Variants in MYT1L observed in about 807,000 individuals in gnomAD.
MYT1L encodes myelin transcription factor 1-like protein.
MYT1L carries 12 observed loss-of-function variants against 126.7 expected under a neutral mutation model. The ratio of observed to expected loss-of-function variants is 0.09; its 90% CI spans 0.06 to 0.15. MYT1L has a LOEUF of 0.15. Ranked by LOEUF, MYT1L falls within the 10% of genes least tolerant of loss-of-function variation. The pLI, the probability that MYT1L is intolerant of heterozygous loss-of-function variation, is 1.00. For synonymous variants in MYT1L, 541 were observed against 604.2 expected (o/e 0.90, Z 1.53); for missense variants, 979 against 1,585.2 (o/e 0.62, Z 6.49).
intron 4 of MYT1L, among the ~76,000 whole-genome samples, chr2:2,053,255 G>T (rs752098139): frequency 6.6e-6 from 1 of 152,182 alleles, no homozygotes; most frequent in South Asian, 2.1e-4. Context: ...CAGAGAGTGT[G>T]GGGGAGGCCT....
At chr2:2,324,945 G>A (rs922271303) in intron 1 of MYT1L, 1 of 152,294 alleles carries the variant, frequency 6.6e-6, no homozygotes, top group Non-Finnish European at 1.5e-5. Flanking sequence ...CACGAGTGGA[G>A]ATGTGTGCAG....
At chr2:2,287,730 G>C (rs2095543211) in intron 1 of MYT1L, among the ~76,000 whole-genome samples, 1 of 152,108 alleles carries the variant, frequency 6.6e-6, no homozygotes, top group South Asian at 2.1e-4. Context: ...TTAATTAATA[G>C]TTATTTCATA....
intron 3 of MYT1L, among the ~76,000 whole-genome samples, chr2:2,083,708 C>T (rs571568689): frequency 6.6e-6 from 1 of 152,288 alleles, no homozygotes; most frequent in South Asian, 2.1e-4. Context: ...GCACTGGGGC[C>T]AGGGATGTGG....
intron 3 of MYT1L, among the ~76,000 whole-genome samples, chr2:2,137,152 A>G (rs2083177057): frequency 1.3e-5 from 2 of 152,212 alleles, no homozygotes; most frequent in Non-Finnish European, 2.9e-5. Context: ...GGACCTCTTC[A>G]AGGAGAACTA....
Position 1,862,604 on chromosome 2 carries a change from A to G in MYT1L, c.2712-10901T>C, listed in dbSNP as rs140180399. On this transcript the variant is annotated intron_variant, in intron 18 of 24. Transcript: ENST00000647738. ...AGAAGATTGAAGAAGATTCTAGGAAAGAAAATAAAATGTATCTAGACTTCT... is the reference window on the plus strand; with the variant it reads ...AGAAGATTGAAGAAGATTCTAGGAAGGAAAATAAAATGTATCTAGACTTCT... Among the ~76,000 whole-genome samples the G allele has an allele frequency of 4.7e-4, 72 of 152,372 alleles. No individual in the cohort carries two copies. The East Asian group carries it at 0.013, about 28-fold the overall frequency.
rs552443683 is a variant in MYT1L, at chr2:1,912,010, C to G, written c.1709+10G>C. 4 of 1,586,868 alleles carry G rather than the reference C, an allele frequency of 2.5e-6. No individual in the cohort carries two copies. The South Asian group carries it at 4.6e-5, about 18-fold the overall frequency. ...CTCCCTCCCACACCAGTGACCCACG[C>G]GTGGCTTACCTTCGGTGGGAGTTCC... is the stretch of plus-strand genomic sequence containing the variant. On this transcript the variant is annotated intron_variant, in intron 12 of 24. Transcript: ENST00000647738. The surrounding 1 kb of genome is among the most constrained non-coding windows in gnomAD (Gnocchi z 4.3).
chr2:2,076,952 C>A (rs533636428), intron 3 of MYT1L, among the ~76,000 whole-genome samples: 16 of 152,190 alleles, frequency 1.1e-4, no homozygotes, highest in Middle Eastern at 3.4e-3. Flanking sequence ...TCAAAGGAAT[C>A]ATGGCAATTT....
chr2:1,876,748 C>T (rs1214240528), intron 18 of MYT1L, among the ~76,000 whole-genome samples: 1 of 152,212 alleles, frequency 6.6e-6, no homozygotes, highest in East Asian at 1.9e-4. Flanking sequence ...AGCAACGTCT[C>T]ACTCAGGACA....
At chr2:1,972,955 G>A (rs1246621891) in intron 8 of MYT1L, among the ~76,000 whole-genome samples, 1 of 152,238 alleles carries the variant, frequency 6.6e-6, no homozygotes, top group African/African-American at 2.4e-5. Flanking sequence ...ACTTTCGGGT[G>A]TTTATTGAGT....
At chr2:2,058,718 A>G (rs2069958093) in intron 3 of MYT1L, among the ~76,000 whole-genome samples, 1 of 152,240 alleles carries the variant, frequency 6.6e-6, no homozygotes, top group South Asian at 2.1e-4. Context: ...TAAAAGTGGC[A>G]TATTAACATT....
chr2:1,797,202 G>A (rs1461215264), intron 23 of MYT1L, among the ~76,000 whole-genome samples: 1 of 152,134 alleles, frequency 6.6e-6, no homozygotes, highest in Non-Finnish European at 1.5e-5. Context: ...CTGGTGCTGG[G>A]CCACCCCCAG....
chr2:2,098,915 A>G (rs6755567), intron 3 of MYT1L, among the ~76,000 whole-genome samples: 40,770 of 151,994 alleles, frequency 0.27, 6,011 homozygotes, highest in African/African-American at 0.38. Context: ...TGGACAACCC[A>G]CCAACAACTT....
At chr2:2,273,915 G>T (rs2095312354) in intron 2 of MYT1L, among the ~76,000 whole-genome samples, 2 of 152,004 alleles carry the variant, frequency 1.3e-5, no homozygotes, top group South Asian at 4.1e-4. Context: ...TAAATATTTT[G>T]TCTCCATTAT....
intron 8 of MYT1L, among the ~76,000 whole-genome samples, chr2:1,951,292 G>A (rs1485112111): frequency 1.3e-5 from 2 of 151,952 alleles, no homozygotes; most frequent in East Asian, 3.9e-4. Context: ...GCTCCACCCT[G>A]AACCCTTAGG....
At chr2:2,273,033 C>A (rs2095293275) in intron 2 of MYT1L, among the ~76,000 whole-genome samples, 1 of 152,250 alleles carries the variant, frequency 6.6e-6, no homozygotes, top group Non-Finnish European at 1.5e-5. Context: ...CAGGAGCTCT[C>A]AGGGGCCTGT....
At chr2:1,905,389 C>G (rs756863064) in intron 13 of MYT1L, among the ~76,000 whole-genome samples, 1 of 150,736 alleles carries the variant, frequency 6.6e-6, no homozygotes, top group Non-Finnish European at 1.5e-5. Flanking sequence ...GAATTTTGCT[C>G]TGTTGCCAGG....
At chr2:1,944,191 A>G (rs947122417) in intron 8 of MYT1L, among the ~76,000 whole-genome samples, 10 of 151,998 alleles carry the variant, frequency 6.6e-5, no homozygotes, top group African/African-American at 2.4e-4. Context: ...CCATGTTGGT[A>G]TATTACATTA....
chr2:2,180,842 C>G (rs1409863238), intron 2 of MYT1L, among the ~76,000 whole-genome samples: 1 of 147,258 alleles, frequency 6.8e-6, no homozygotes, highest in Non-Finnish European at 1.5e-5. Flanking sequence ...GCACCTATAT[C>G]TGTACCTGTG....
chr2:1,844,241 C>T (rs2042212766), intron 19 of MYT1L, among the ~76,000 whole-genome samples: 1 of 152,164 alleles, frequency 6.6e-6, no homozygotes, highest in Admixed American at 6.5e-5. Flanking sequence ...CCCAGGAGTC[C>T]AGGGCCCCCC....
Sources: allele counts gnomAD v4.1 joint callset (sites outside exome capture counted in the v4.1 genomes callset), GRCh38; gene constraint gnomAD v4.1.1; non-coding constraint Gnocchi (gnomAD v3.1); transcripts MANE v1.5; gene names NCBI Gene and HGNC (gene_info 2026-07-23, HGNC 2026-07-21).